Variants in DARS1 observed in about 807,000 individuals in gnomAD.
The protein encoded by DARS1 is aspartate--tRNA ligase, cytoplasmic.
A neutral mutation model predicts 68.8 loss-of-function variants in DARS1; 51 were observed. That is an observed-to-expected ratio of 0.74 (90% CI 0.59 to 0.94). The LOEUF (loss-of-function observed/expected upper bound fraction) is 0.94. Among genes scored for constraint, DARS1 ranks in the 40% least tolerant of loss-of-function variants. DARS1 has a pLI of 0.00. For missense variants in DARS1, 607 were observed against 597.3 expected, an observed-to-expected ratio of 1.02 and a Z score of -0.17; for synonymous variants, 203 against 190.4, an observed-to-expected ratio of 1.07 and a Z score of -0.55.
intron 4 of DARS1, among the ~76,000 whole-genome samples, chr2:135,947,855 T>G (rs1324406118): frequency 2.0e-5 from 3 of 151,534 alleles, no homozygotes; most frequent in African/African-American, 7.3e-5. Flanking sequence ...CAACAACAAC[T>G]GAAAATAATA....
intron 4 of DARS1, among the ~76,000 whole-genome samples, chr2:135,958,209 C>T (rs572488577): frequency 1.3e-5 from 2 of 152,238 alleles, no homozygotes; most frequent in Admixed American, 1.3e-4. Context: ...GTTAATGTGG[C>T]ATTGTTAGTT....
intron 7 of DARS1, among the ~76,000 whole-genome samples, chr2:135,931,348 T>G (rs1395991181): frequency 2.0e-5 from 3 of 152,188 alleles, no homozygotes; most frequent in Admixed American, 2.0e-4. Flanking sequence ...GCAATCCTCC[T>G]GCTTCAGCCT....
At chr2:135,983,248 G>T in intron 2 of DARS1, 149 bp downstream of exon 2, 1 of 598,020 alleles carries the variant, frequency 1.7e-6, no homozygotes, top group Non-Finnish European at 2.9e-6. Flanking sequence ...TTTACACAGG[G>T]TTATGACATC....
intron 3 of DARS1, among the ~76,000 whole-genome samples, chr2:135,975,171 C>G (rs1487782849): frequency 6.6e-6 from 1 of 151,794 alleles, no homozygotes; most frequent in Non-Finnish European, 1.5e-5. Flanking sequence ...AGTGAAACCC[C>G]GTCTCTACTA....
intron 3 of DARS1, among the ~76,000 whole-genome samples, chr2:135,965,858 T>TCAAA (rs763457353): frequency 5.9e-5 from 9 of 152,212 alleles, no homozygotes; most frequent in Admixed American, 2.0e-4. Context: ...TTTAAAGGAC[T>TCAAA]CAAACAAACA....
chr2:135,913,373 A>C (rs1230175198), intron 12 of DARS1, among the ~76,000 whole-genome samples: 1 of 152,194 alleles, frequency 6.6e-6, no homozygotes, highest in Non-Finnish European at 1.5e-5. Context: ...GAATGCTACA[A>C]CTGAAAGAAA....
chr2:135,964,206 A>C (rs1203842506), intron 3 of DARS1, among the ~76,000 whole-genome samples: 3 of 152,242 alleles, frequency 2.0e-5, no homozygotes, highest in African/African-American at 7.2e-5. Flanking sequence ...AAGTATATTA[A>C]GATTGATCAT....
chr2:135,916,204 A>T (rs746938919), intron 11 of DARS1, 22 bp downstream of exon 11: 1 of 1,506,814 alleles, frequency 6.6e-7, no homozygotes, highest in Non-Finnish European at 9.2e-7. Context: ...CTTAAAGTAA[A>T]AAAAAAGCCA....
Position 135,907,427 on chromosome 2 carries a change from T to C in DARS1, c.1415-20A>G. 1 of 1,549,024 alleles carries C rather than the reference T, an allele frequency of 6.5e-7. No homozygotes were observed. The stretch of plus-strand genomic sequence containing the variant: ...CCAATCCTGGGGAAGACAAAAATAA[T>C]CATTAATTCCTTTTTGAAAATCTCT... On this transcript the variant is annotated intron_variant, in intron 15 of 15. Transcript: ENST00000264161.
chr2:135,953,268 T>C (rs1403006317), intron 4 of DARS1, among the ~76,000 whole-genome samples: 2 of 152,252 alleles, frequency 1.3e-5, no homozygotes, highest in African/African-American at 4.8e-5. Flanking sequence ...TTGGTACAAG[T>C]GTCTAACAAA....
In DARS1 at chr2:135,928,910, T is replaced by C. The variant is rs1201315899; in HGVS notation, c.564+3873A>G. Among the ~76,000 whole-genome samples, 7 of 152,202 alleles carry C rather than the reference T, an allele frequency of 4.6e-5. No homozygotes were observed. The East Asian group carries it at 1.3e-3, about 29-fold the overall frequency. ...GTGCTCGGCCAGAATTATGTAGAATTTCTAATTGAACAAAAGGAATATCTG... is the reference window on the plus strand; with the variant it reads ...GTGCTCGGCCAGAATTATGTAGAATCTCTAATTGAACAAAAGGAATATCTG... On this transcript the variant is annotated intron_variant, in intron 7 of 15. Coordinates refer to ENST00000264161, the MANE Select transcript of DARS1 (RefSeq NM_001349.4).
chr2:135,921,384 G>A (rs1434692662), intron 9 of DARS1, among the ~76,000 whole-genome samples: 1 of 151,808 alleles, frequency 6.6e-6, no homozygotes, highest in Non-Finnish European at 1.5e-5. Flanking sequence ...TGTAGTTCTT[G>A]CTCTTTACTT....
chr2:135,910,956 A>G (rs1308465740), intron 15 of DARS1, 183 bp downstream of exon 15: 3 of 481,102 alleles, frequency 6.2e-6, no homozygotes, highest in Non-Finnish European at 1.1e-5. Context: ...TTCTTAAGAG[A>G]AAAAAAATGG....
intron 5 of DARS1, among the ~76,000 whole-genome samples, chr2:135,939,557 A>G (rs1450838832): frequency 7.1e-4 from 108 of 152,232 alleles, no homozygotes; most frequent in Admixed American, 2.0e-3. Flanking sequence ...AGAGAAAGCA[A>G]GAAAGATCTA....
intron 3 of DARS1, among the ~76,000 whole-genome samples, chr2:135,978,760 G>C (rs1682556051): frequency 6.6e-6 from 1 of 152,304 alleles, no homozygotes; most frequent in East Asian, 1.9e-4. Flanking sequence ...TGGTCATTAA[G>C]CTCTTGAAAT....
At chr2:135,938,339 C>G (rs1424485096) in intron 5 of DARS1, among the ~76,000 whole-genome samples, 4 of 152,198 alleles carry the variant, frequency 2.6e-5, no homozygotes, top group African/African-American at 9.6e-5. Context: ...TCAGCTCCAT[C>G]AGGTCATTTA....
intron 15 of DARS1, among the ~76,000 whole-genome samples, chr2:135,909,045 A>C (rs907733668): frequency 1.3e-5 from 2 of 150,184 alleles, no homozygotes; most frequent in African/African-American, 4.9e-5. Flanking sequence ...AGAAAACCAA[A>C]CACCACATGT....
At chr2:135,955,560 C>T (rs1423374793) in intron 4 of DARS1, among the ~76,000 whole-genome samples, 3 of 151,446 alleles carry the variant, frequency 2.0e-5, no homozygotes, top group Non-Finnish European at 4.4e-5. Context: ...GTACAAAATG[C>T]CCAAACACAA....
chr2:135,931,595 A>C (rs1353626825), intron 7 of DARS1, among the ~76,000 whole-genome samples: 1 of 152,192 alleles, frequency 6.6e-6, no homozygotes, highest in East Asian at 1.9e-4. Context: ...ACTAATGTAC[A>C]CAACATCTCC....
Sources: gnomAD v4.1 joint callset for allele counts (sites outside exome capture counted in the v4.1 genomes callset) on GRCh38, gnomAD v4.1.1 for gene constraint, MANE v1.5 for transcripts, NCBI Gene and HGNC (gene_info 2026-07-23, HGNC 2026-07-21) for gene names.